EVI5: variants seen among roughly 807,000 people sequenced by gnomAD.
EVI5 encodes the protein ecotropic viral integration site 5 protein homolog.
A neutral mutation model predicts 112.0 loss-of-function variants in EVI5; 73 were observed. That is an observed-to-expected ratio of 0.65 (90% CI 0.54 to 0.79). The LOEUF is 0.79. Ranked by LOEUF, EVI5 falls within the 30% of genes least tolerant of loss-of-function variation. EVI5 has a pLI of 0.00. For synonymous variants in EVI5, 305 were observed against 319.9 expected, an observed-to-expected ratio of 0.95 and a Z score of 0.50; for missense variants, 900 against 968.8, an observed-to-expected ratio of 0.93 and a Z score of 0.94.
At chr1:92,632,516 T>C (rs538607525) in intron 14 of EVI5, among the ~76,000 whole-genome samples, 7 of 152,288 alleles carry the variant, frequency 4.6e-5, no homozygotes, top group African/African-American at 1.7e-4. Context: ...GTGGGATAGT[T>C]GGTGATATCC....
At chr1:92,758,410 A>G (rs1028029919) in intron 1 of EVI5, among the ~76,000 whole-genome samples, 1 of 152,080 alleles carries the variant, frequency 6.6e-6, no homozygotes, top group Non-Finnish European at 1.5e-5. Context: ...CTCTACAAAA[A>G]ATACAAAAAT....
chr1:92,689,742 C>T (rs927093530), intron 9 of EVI5, among the ~76,000 whole-genome samples: 1 of 152,190 alleles, frequency 6.6e-6, no homozygotes, highest in Non-Finnish European at 1.5e-5. Context: ...TGATGTTGAA[C>T]ACAGCTTACT....
At chr1:92,754,159 CAAT>C (rs1477381714) in intron 1 of EVI5, among the ~76,000 whole-genome samples, 1 of 152,224 alleles carries the variant, frequency 6.6e-6, no homozygotes, top group Non-Finnish European at 1.5e-5. Flanking sequence ...TGCTATCCAA[CAAT>C]GACTCATGAT....
At chr1:92,663,123 G>A (rs1664305298) in intron 12 of EVI5, among the ~76,000 whole-genome samples, 1 of 152,142 alleles carries the variant, frequency 6.6e-6, no homozygotes, top group Non-Finnish European at 1.5e-5. Flanking sequence ...TTACTGAGTT[G>A]TACATGCAGG....
Position 92,513,690 on chromosome 1 carries a change from G to C in EVI5, c.2447C>G (p.Pro816Arg). 1 of 1,610,396 alleles carries C rather than the reference G, an allele frequency of 6.2e-7. No individual in the cohort carries two copies. Among genetic ancestry groups the C allele is most frequent in the Non-Finnish European group, 8.5e-7 (1 of 1,178,288 alleles). ...GGTTGAATACGACTCTCTTCTTCTC[G>C]GGGGCCGCTCCTTTTGAACCACTTG... ...SNQVVQKERP[P>R]RRRESYSTTV Residue 816 changes from proline to arginine, a missense_variant, in exon 20 of 20, where the codon CCG becomes CGG. Coordinates refer to ENST00000684568, the MANE Select transcript of EVI5 (RefSeq NM_001350197.2).
chr1:92,523,724 T>C (rs190019985), intron 19 of EVI5, among the ~76,000 whole-genome samples: 1 of 152,316 alleles, frequency 6.6e-6, no homozygotes, highest in African/African-American at 2.4e-5. Flanking sequence ...TCTGTGAGAA[T>C]ATTAGAGATG....
At chr1:92,775,326 C>T (rs1255094167) in intron 1 of EVI5, among the ~76,000 whole-genome samples, 2 of 151,856 alleles carry the variant, frequency 1.3e-5, no homozygotes, top group Non-Finnish European at 2.9e-5. Context: ...TACTGGGAGG[C>T]TCAGGCAGGA....
chr1:92,688,804 T>C lies in EVI5; in HGVS notation c.1097+4998A>G, dbSNP rs1669001829. ...ATAATTTTAATAATCTGTTACATAT[T>C]TGCATCTAACAAGCCATTTACTTTT... On this transcript the variant is annotated intron_variant, in intron 9 of 19. Transcript: ENST00000684568. Among the ~76,000 whole-genome samples the C allele has an allele frequency of 1.3e-5, 2 of 152,172 alleles. 1 individual carries two copies. The highest frequency in any genetic ancestry group is 4.1e-4 in the South Asian group (2 of 4,834).
chr1:92,646,898 T>C, intron 13 of EVI5: 1 of 212,742 alleles, frequency 4.7e-6, no homozygotes, highest in South Asian at 8.6e-5. Context: ...TAGAGCACTC[T>C]GAGAGACTGC....
At chr1:92,790,724 T>A (rs1306998090) in intron 1 of EVI5, among the ~76,000 whole-genome samples, 3 of 150,842 alleles carry the variant, frequency 2.0e-5, no homozygotes, top group Non-Finnish European at 4.4e-5. Context: ...GAGGCTAAGG[T>A]GGGAAGATCA....
chr1:92,625,066 TTAA>T lies in EVI5; in HGVS notation c.1668+725_1668+727del, dbSNP rs1329787844. ...GATTACAATTTTCACTGTAATTTTTTTAATGAGAGATTTTTCATATTATCTTCA... is the reference window on the plus strand; with the variant it reads ...GATTACAATTTTCACTGTAATTTTTTTGAGAGATTTTTCATATTATCTTCA... On this transcript the variant is annotated intron_variant, in intron 15 of 19. Transcript: ENST00000684568. 1.4e-4 allele frequency among the ~76,000 whole-genome samples: 21 copies of T among 152,202 alleles called. 1 individual carries two copies. The highest frequency in any genetic ancestry group is 5.1e-4 in the African/African-American group (21 of 41,454).
intron 10 of EVI5, among the ~76,000 whole-genome samples, chr1:92,670,961 C>T (rs1665776089): frequency 6.6e-6 from 1 of 152,044 alleles, no homozygotes; most frequent in Admixed American, 6.6e-5. Context: ...CAGTGATTAT[C>T]CCCCATTCTT....
intron 18 of EVI5, among the ~76,000 whole-genome samples, chr1:92,588,886 T>C (rs1673229867): frequency 6.6e-6 from 1 of 152,274 alleles, no homozygotes; most frequent in Non-Finnish European, 1.5e-5. Context: ...TAAATAAACA[T>C]ATTTTGACTG....
At chr1:92,760,690 C>T (rs6604021) in intron 1 of EVI5, among the ~76,000 whole-genome samples, 2,822 of 149,424 alleles carry the variant, frequency 0.019, 106 homozygotes, top group African/African-American at 0.066. Context: ...CGCAAGATCG[C>T]GCCACAGCAC....
chr1:92,754,971 ACATG>A (rs1680705099), intron 1 of EVI5, among the ~76,000 whole-genome samples: 1 of 152,180 alleles, frequency 6.6e-6, no homozygotes. Flanking sequence ...TTATAAACAT[ACATG>A]TAAGTATAAT....
intron 11 of EVI5, among the ~76,000 whole-genome samples, chr1:92,664,535 T>C (rs1043661734): frequency 2.7e-5 from 4 of 148,734 alleles, no homozygotes; most frequent in African/African-American, 4.9e-5. Context: ...AAGCTAGATA[T>C]TTAGTGGGAA....
rs1557926858 is a variant in EVI5, at chr1:92,624,290, C to G, written c.1713G>C (p.Lys571Asn). 6.2e-7 allele frequency: 1 copy of G among 1,613,684 alleles called. No individual in the cohort carries two copies. Among genetic ancestry groups the G allele is most frequent in the Admixed American group, 1.7e-5 (1 of 59,996 alleles). Reference protein sequence around the residue: ...RTTGRWKDPPKKNAMNELQDE... With the variant: ...RTTGRWKDPPNKNAMNELQDE... ...CTTGTAACTCATTCATAGCATTTTT[C>G]TTGGGTGGGTCTTTCCATCTCCCAG... Residue 571 changes from lysine to asparagine, a missense_variant, in exon 16 of 20, where the codon AAG (lysine) becomes AAC (asparagine). By Grantham distance (94) the Lys-to-Asn change is moderately conservative (BLOSUM62 0). Transcript: ENST00000684568.
intron 5 of EVI5, among the ~76,000 whole-genome samples, chr1:92,698,815 GA>G (rs1347305105): frequency 1.3e-5 from 2 of 152,114 alleles, no homozygotes; most frequent in Admixed American, 6.5e-5. Flanking sequence ...CACATTATCT[GA>G]AATTGGGGTT....
intron 2 of EVI5, among the ~76,000 whole-genome samples, chr1:92,715,509 G>C (rs1673486338): frequency 6.6e-6 from 1 of 152,154 alleles, no homozygotes; most frequent in African/African-American, 2.4e-5. Context: ...TGGCTGAATA[G>C]GAACAGCTCT....
Sources: allele counts gnomAD v4.1 joint callset (sites outside exome capture counted in the v4.1 genomes callset), GRCh38; gene constraint gnomAD v4.1.1; transcripts MANE v1.5; gene names NCBI Gene and HGNC (gene_info 2026-07-23, HGNC 2026-07-21).